The following ENTREP2 variants were observed in gnomAD, a reference collection of about 807,000 sequenced individuals.
ENTREP2 encodes endosomal transmembrane epsin interactor 2, also known as protein ENTREP2.
chr15:29,273,404 G>C, the ENTREP2 span, among the ~76,000 whole-genome samples: 2 of 151,930 alleles, frequency 1.3e-5, no homozygotes, highest in Non-Finnish European at 2.9e-5. Flanking sequence ...CACCATGTTA[G>C]CCAGGCTGGT....
At chr15:29,445,193 G>A in the ENTREP2 span, among the ~76,000 whole-genome samples, 602 of 152,262 alleles carry the variant, frequency 4.0e-3, 1 homozygote, top group Non-Finnish European at 5.4e-3. Context: ...GAATTAGTGC[G>A]AGATACTGGG....
the ENTREP2 span, among the ~76,000 whole-genome samples, chr15:29,368,335 A>AT: frequency 9.6e-5 from 13 of 134,908 alleles, no homozygotes; most frequent in African/African-American, 2.7e-4. Flanking sequence ...CTCAAAAAAA[A>AT]AAATATATAT....
the ENTREP2 span, among the ~76,000 whole-genome samples, chr15:29,510,493 C>G: frequency 2.0e-5 from 3 of 152,170 alleles, no homozygotes; most frequent in African/African-American, 7.2e-5. Flanking sequence ...AGACTTGGAA[C>G]CAACCCAAAT....
At chr15:29,313,880 C>T in the ENTREP2 span, among the ~76,000 whole-genome samples, 1 of 152,190 alleles carries the variant, frequency 6.6e-6, no homozygotes, top group Non-Finnish European at 1.5e-5. Flanking sequence ...CCATTAAGAA[C>T]ATTTGTGATT....
chr15:29,313,268 G>T, the ENTREP2 span, among the ~76,000 whole-genome samples: 1 of 152,206 alleles, frequency 6.6e-6, no homozygotes, highest in Non-Finnish European at 1.5e-5. Context: ...GATGAAGGTG[G>T]ATACATGAAA....
the ENTREP2 span, among the ~76,000 whole-genome samples, chr15:29,283,598 C>T: frequency 6.6e-6 from 1 of 152,144 alleles, no homozygotes; most frequent in East Asian, 1.9e-4. Context: ...TGGGGAAACT[C>T]CACACCCACC....
chr15:29,483,429 C>T, the ENTREP2 span, among the ~76,000 whole-genome samples: 1 of 152,140 alleles, frequency 6.6e-6, no homozygotes, highest in South Asian at 2.1e-4. Context: ...ATTAAGATTT[C>T]CTTCTGTGTA....
chr15:29,207,357 A>G, the ENTREP2 span, among the ~76,000 whole-genome samples: 1 of 149,736 alleles, frequency 6.7e-6, no homozygotes, highest in South Asian at 2.1e-4. Context: ...TAAAGATTGC[A>G]CGAACCCAAA....
chr15:29,269,160 G>A, the ENTREP2 span: 21 of 1,614,132 alleles, frequency 1.3e-5, no homozygotes, highest in Non-Finnish European at 1.8e-5. Flanking sequence ...TGAGCCCTAA[G>A]ACGATCATCA....
the ENTREP2 span, among the ~76,000 whole-genome samples, chr15:29,208,095 C>T: frequency 0.34 from 51,139 of 151,836 alleles, 9,034 homozygotes; most frequent in East Asian, 0.58. Flanking sequence ...TCCCCTACAG[C>T]AGGGATGGCA....
At chr15:29,175,765 C>T in the ENTREP2 span, among the ~76,000 whole-genome samples, 4 of 152,192 alleles carry the variant, frequency 2.6e-5, no homozygotes, top group South Asian at 2.1e-4. Flanking sequence ...CCACCATGCC[C>T]GGCTAATTTC....
At chr15:29,269,408 C>T in the ENTREP2 span, 1 of 1,614,168 alleles carries the variant, frequency 6.2e-7, no homozygotes, top group African/African-American at 1.3e-5. Context: ...TTCTTCTGGT[C>T]TTTAATCAGC....
chr15:29,593,967 A>C, the ENTREP2 span, among the ~76,000 whole-genome samples: 1 of 152,186 alleles, frequency 6.6e-6, no homozygotes, highest in Non-Finnish European at 1.5e-5. Context: ...ATCAATGTTA[A>C]TGTCTCAGTT....
the ENTREP2 span, among the ~76,000 whole-genome samples, chr15:29,160,661 A>G: frequency 8.9e-3 from 1,292 of 145,772 alleles, 16 homozygotes; most frequent in African/African-American, 0.031. Context: ...GTGAGCCAAG[A>G]TCACACCACC....
the ENTREP2 span, among the ~76,000 whole-genome samples, chr15:29,224,455 C>A: frequency 1.3e-5 from 2 of 152,188 alleles, no homozygotes; most frequent in African/African-American, 2.4e-5. Context: ...CACCCACATC[C>A]TGCTGATTGG....
chr15:29,193,989 A>C, the ENTREP2 span, among the ~76,000 whole-genome samples: 1 of 152,362 alleles, frequency 6.6e-6, no homozygotes, highest in African/African-American at 2.4e-5. Flanking sequence ...GAAGAAATGA[A>C]GTATGACTTA....
chr15:29,308,071 T>C, the ENTREP2 span, among the ~76,000 whole-genome samples: 2 of 152,176 alleles, frequency 1.3e-5, no homozygotes, highest in African/African-American at 4.8e-5. Context: ...AAATTTTAAA[T>C]TGAGTAAATT....
chr15:29,472,428 A>ACACAC, the ENTREP2 span, among the ~76,000 whole-genome samples: 2 of 140,710 alleles, frequency 1.4e-5, no homozygotes, highest in South Asian at 4.9e-4. Flanking sequence ...CACAACACAC[A>ACACAC]ACACACACAC....
At chr15:29,516,346 A>G in the ENTREP2 span, among the ~76,000 whole-genome samples, 1 of 152,244 alleles carries the variant, frequency 6.6e-6, no homozygotes, top group Non-Finnish European at 1.5e-5. Flanking sequence ...GCAATGGAAT[A>G]GAATGTCCAC....
Sources: gnomAD v4.1 joint callset for allele counts (sites outside exome capture counted in the v4.1 genomes callset) on GRCh38, gnomAD v4.1.1 for gene constraint, MANE v1.5 for transcripts, NCBI Gene and HGNC (gene_info 2026-07-23, HGNC 2026-07-21) for gene names.